Variants in CEBPZ observed in about 807,000 individuals in gnomAD.
CEBPZ encodes the protein CCAAT/enhancer-binding protein zeta.
A neutral mutation model predicts 104.5 loss-of-function variants in CEBPZ; 78 were observed. That is an observed-to-expected ratio of 0.75 (90% CI 0.62 to 0.90). The LOEUF (loss-of-function observed/expected upper bound fraction) is 0.90. CEBPZ is among the 40% of genes least tolerant of loss of function. CEBPZ has a pLI of 0.00. For synonymous variants in CEBPZ, 470 were observed against 427.0 expected (o/e 1.10, Z -1.24); for missense variants, 1,439 against 1,233.5 (o/e 1.17, Z -2.50).
At chr2:37,216,924 G>C (rs556895420) in intron 6 of CEBPZ, 60 bp downstream of exon 6, 153 of 1,342,330 alleles carry the variant, frequency 1.1e-4, no homozygotes, top group Middle Eastern at 2.0e-4. Flanking sequence ...ACCAATTATT[G>C]ATTATCTAAA....
intron 13 of CEBPZ, among the ~76,000 whole-genome samples, chr2:37,206,677 C>T (rs1033687034): frequency 6.6e-6 from 1 of 152,098 alleles, no homozygotes; most frequent in African/African-American, 2.4e-5. Context: ...AATCTTGAAA[C>T]AAAACCTTGA....
intron 3 of CEBPZ, among the ~76,000 whole-genome samples, 195 bp from the exon 4 acceptor site, chr2:37,222,758 C>T (rs1004864250): frequency 2.0e-5 from 3 of 152,270 alleles, no homozygotes; most frequent in Admixed American, 6.5e-5. Flanking sequence ...AAACATAACA[C>T]AGTTAAGTTT....
intron 13 of CEBPZ, chr2:37,210,534 CATTCT>C (rs3083587): frequency 0.37 from 56,607 of 152,044 alleles, 10,645 homozygotes; most frequent in Middle Eastern, 0.4. Context: ...GAAAACCAAA[CATTCT>C]ATGTTCTCAG....
chr2:37,225,413 C>A (rs1457450058), intron 2 of CEBPZ, among the ~76,000 whole-genome samples: 1 of 151,228 alleles, frequency 6.6e-6, no homozygotes, highest in African/African-American at 2.4e-5. Context: ...AAGAAAAATT[C>A]TTCTGCCTTG....
At chr2:37,224,607 T>C (rs1204818988) in intron 2 of CEBPZ, among the ~76,000 whole-genome samples, 2 of 152,082 alleles carry the variant, frequency 1.3e-5, no homozygotes, top group Non-Finnish European at 2.9e-5. Context: ...TCCATCCATT[T>C]TGCAATTTAT....
At chr2:37,225,918 G>C (rs1174067577) in intron 2 of CEBPZ, among the ~76,000 whole-genome samples, 1 of 124,452 alleles carries the variant, frequency 8.0e-6, no homozygotes, top group Non-Finnish European at 1.7e-5. Flanking sequence ...GGTGGGACCT[G>C]TGGGCAGCAA....
intron 6 of CEBPZ, 49 bp from the exon 7 acceptor site, chr2:37,216,467 G>C (rs1426240722): frequency 1.5e-6 from 2 of 1,297,688 alleles, no homozygotes; most frequent in Non-Finnish European, 2.2e-6. Flanking sequence ...TTATGTCTAT[G>C]AATCCAAGTA....
intron 1 of CEBPZ, among the ~76,000 whole-genome samples, chr2:37,230,596 T>A (rs1665041664): frequency 6.6e-6 from 1 of 152,178 alleles, no homozygotes; most frequent in Admixed American, 6.5e-5. Context: ...CAAAGTTAAT[T>A]TCTGTTCCTT....
At chr2:37,222,679 G>T in intron 3 of CEBPZ, 116 bp from the exon 4 acceptor site, 1 of 654,760 alleles carries the variant, frequency 1.5e-6, no homozygotes. Flanking sequence ...AAACGTGAAA[G>T]TTCTAATAAA....
intron 13 of CEBPZ, chr2:37,204,503 C>G (rs1137453): frequency 0.35 from 52,566 of 151,608 alleles, 9,437 homozygotes; most frequent in Non-Finnish European, 0.39. Flanking sequence ...GTCTTGATCT[C>G]TTGACCTTGT....
chr2:37,227,523 A>G, intron 2 of CEBPZ, 21 bp downstream of exon 2: 2 of 1,565,142 alleles, frequency 1.3e-6, no homozygotes, highest in Non-Finnish European at 1.7e-6. Context: ...CATGTCTCAT[A>G]TTGGAAGGGT....
At chr2:37,208,153 A>G (rs1295077425) in intron 13 of CEBPZ, among the ~76,000 whole-genome samples, 2 of 152,194 alleles carry the variant, frequency 1.3e-5, no homozygotes, top group Admixed American at 1.3e-4. Flanking sequence ...CTGAAACAGT[A>G]ATAAAAAAAC....
chr2:37,218,189 C>T (rs540791473), intron 5 of CEBPZ, among the ~76,000 whole-genome samples: 1 of 152,042 alleles, frequency 6.6e-6, no homozygotes, highest in Non-Finnish European at 1.5e-5. Flanking sequence ...ATGGTGTGAA[C>T]CCGGGAGGCG....
Position 37,213,928 on chromosome 2 carries a change from T to C in CEBPZ, c.2481A>G (p.Gln827=), listed in dbSNP as rs1558472019. Residue 827 remains glutamine, a synonymous_variant, in exon 10 of 16, where the codon CAA becomes CAG. Transcript: ENST00000234170. ...YYKKVAVKEK[Q]KRDADEESIE... ...TACTTTCTTCATCTGCATCCCGTTT[T>C]TGTTTCTCTTTAACAGCAACTTTTT... 6.3e-7 allele frequency: 1 copy of C among 1,590,664 alleles called. No homozygotes were observed. Among genetic ancestry groups the C allele is most frequent in the South Asian group, 1.2e-5 (1 of 86,346 alleles).
intron 1 of CEBPZ, among the ~76,000 whole-genome samples, chr2:37,229,762 C>T (rs915741987): frequency 1.3e-5 from 2 of 152,194 alleles, no homozygotes; most frequent in African/African-American, 4.8e-5. Context: ...GGCTTGAGTA[C>T]AGTGGCATGA....
At chr2:37,231,330 G>A (rs746393716) in intron 1 of CEBPZ, 82 bp downstream of exon 1, 1 of 1,594,958 alleles carries the variant, frequency 6.3e-7, no homozygotes, top group Non-Finnish European at 8.6e-7. Flanking sequence ...TCTACGCAGC[G>A]CGGAAGCGGC....
At chr2:37,205,793 CT>C (rs1677518353) in intron 13 of CEBPZ, among the ~76,000 whole-genome samples, 1 of 152,184 alleles carries the variant, frequency 6.6e-6, no homozygotes, top group Admixed American at 6.5e-5. Flanking sequence ...TGATACAGCA[CT>C]TTTTTCTTTT....
chr2:37,204,815 G>A (rs980360975), intron 13 of CEBPZ: 4 of 152,170 alleles, frequency 2.6e-5, no homozygotes, highest in African/African-American at 7.2e-5. Context: ...TATCAATTGA[G>A]ATCTGAAATC....
Position 37,228,998 on chromosome 2 carries a change from C to T in CEBPZ, c.195G>A (p.Glu65=). ...YLMLATLDEN[E]EVIDGGKKGA... Reference sequence around the variant, plus strand: ...CTTTTTTGCCTCCATCTATCACTTCCTCATTCTCATCCAAAGTAGCCAGCA... The same window carrying T: ...CTTTTTTGCCTCCATCTATCACTTCTTCATTCTCATCCAAAGTAGCCAGCA... Residue 65 remains glutamate, a synonymous_variant, in exon 2 of 16, where the codon GAG becomes GAA. Transcript: ENST00000234170. The T allele has an allele frequency of 1.3e-6, 2 of 1,584,026 alleles. No homozygotes were observed. The highest frequency in any genetic ancestry group is 1.7e-6 in the Non-Finnish European group (2 of 1,169,736).
Sources: allele counts gnomAD v4.1 joint callset (sites outside exome capture counted in the v4.1 genomes callset), GRCh38; gene constraint gnomAD v4.1.1; transcripts MANE v1.5; gene names NCBI Gene and HGNC (gene_info 2026-07-23, HGNC 2026-07-21).